ZMIZ1: variants seen among roughly 807,000 people sequenced by gnomAD.
ZMIZ1 encodes the protein zinc finger MIZ-type containing 1.
In ZMIZ1, 17 loss-of-function variants were observed where a neutral mutation model predicts 113.9. The ratio of observed to expected loss-of-function variants is 0.15; its 90% CI spans 0.10 to 0.22. ZMIZ1 has a LOEUF of 0.22. Among genes scored for constraint, ZMIZ1 ranks in the 10% least tolerant of loss-of-function variants. The pLI is 1.00. For synonymous variants in ZMIZ1, 607 were observed against 603.1 expected (o/e 1.01, Z -0.09); for missense variants, 1,059 against 1,477.8 (o/e 0.72, Z 4.65).
intron 7 of ZMIZ1, among the ~76,000 whole-genome samples, chr10:79,231,227 C>T (rs1336430833): frequency 3.3e-5 from 5 of 152,242 alleles, no homozygotes; most frequent in Non-Finnish European, 7.3e-5. Context: ...CTTGTGATTC[C>T]ACAAGAAGCT....
At chr10:79,287,667 C>T (rs1442696039) in intron 8 of ZMIZ1, among the ~76,000 whole-genome samples, 2 of 152,236 alleles carry the variant, frequency 1.3e-5, no homozygotes, top group Non-Finnish European at 2.9e-5. Flanking sequence ...ATTGTGTGCT[C>T]ACACTCCATC....
intron 3 of ZMIZ1, among the ~76,000 whole-genome samples, chr10:79,152,667 G>A (rs1241332157): frequency 6.6e-6 from 1 of 152,240 alleles, no homozygotes; most frequent in East Asian, 1.9e-4. Flanking sequence ...TGGTGCATGG[G>A]TTCTGGAGCC....
chr10:79,284,001 T>G (rs1852903186), intron 8 of ZMIZ1, among the ~76,000 whole-genome samples: 1 of 152,206 alleles, frequency 6.6e-6, no homozygotes, highest in East Asian at 1.9e-4. Flanking sequence ...GACAATACCC[T>G]TAATGGAAAT....
chr10:79,307,712 A>G (rs1012054250), intron 23 of ZMIZ1, 141 bp downstream of exon 23: 4 of 976,554 alleles, frequency 4.1e-6, no homozygotes, highest in Middle Eastern at 2.4e-4. Flanking sequence ...GGAGGGGTCT[A>G]ACTGAGGCTA....
intron 6 of ZMIZ1, among the ~76,000 whole-genome samples, chr10:79,212,770 GAAAA>G (rs373464118): frequency 6.9e-6 from 1 of 144,956 alleles, no homozygotes; most frequent in African/African-American, 2.6e-5. Flanking sequence ...AAAAAAAAAA[GAAAA>G]AAAAAATTTG....
At chr10:79,090,925 C>T (rs757030854) in intron 1 of ZMIZ1, among the ~76,000 whole-genome samples, 28 of 152,222 alleles carry the variant, frequency 1.8e-4, no homozygotes, top group Non-Finnish European at 3.2e-4. Context: ...GGGCTTCCTC[C>T]CTATTGCTGG....
intron 9 of ZMIZ1, 180 bp from the exon 10 acceptor site, chr10:79,290,779 C>G: frequency 1.3e-6 from 1 of 765,494 alleles, no homozygotes; most frequent in Non-Finnish European, 2.3e-6. Flanking sequence ...ACCTGCCGCC[C>G]AGGCCCGCTC....
chr10:79,179,979 T>C (rs1177495955), intron 4 of ZMIZ1, among the ~76,000 whole-genome samples: 2 of 152,260 alleles, frequency 1.3e-5, no homozygotes, highest in African/African-American at 4.8e-5. Context: ...AGGCTGGGCC[T>C]GTCTTCCACT....
At chr10:79,158,470 C>T (rs1488199331) in intron 3 of ZMIZ1, among the ~76,000 whole-genome samples, 2 of 152,200 alleles carry the variant, frequency 1.3e-5, no homozygotes, top group East Asian at 3.9e-4. Flanking sequence ...CCAATTCTAC[C>T]CACTCTTGCC....
At chr10:79,117,847 C>T (rs1234381995) in intron 1 of ZMIZ1, among the ~76,000 whole-genome samples, 3 of 152,188 alleles carry the variant, frequency 2.0e-5, no homozygotes, top group Non-Finnish European at 1.5e-5. Flanking sequence ...CCTCAGGCCC[C>T]CAGGTCAGGG....
intron 6 of ZMIZ1, among the ~76,000 whole-genome samples, chr10:79,208,772 A>AT (rs1470637504): frequency 6.7e-6 from 1 of 149,972 alleles, no homozygotes; most frequent in African/African-American, 2.5e-5. Flanking sequence ...GTTTTCAGCC[A>AT]TTTTTTATCC....
At chr10:79,133,514 A>G (rs1293535016) in intron 2 of ZMIZ1, among the ~76,000 whole-genome samples, 2 of 152,198 alleles carry the variant, frequency 1.3e-5, no homozygotes, top group Non-Finnish European at 2.9e-5. Flanking sequence ...GGGAAGAGAA[A>G]GAGACAGACA....
chr10:79,272,966 A>G (rs1589536016), intron 7 of ZMIZ1, among the ~76,000 whole-genome samples: 1 of 152,168 alleles, frequency 6.6e-6, no homozygotes, highest in South Asian at 2.1e-4. Context: ...GACAGGCTGG[A>G]GAGGATGACA....
intron 1 of ZMIZ1, among the ~76,000 whole-genome samples, chr10:79,080,761 T>A (rs1842632459): frequency 6.6e-6 from 1 of 152,152 alleles, no homozygotes; most frequent in East Asian, 1.9e-4. Flanking sequence ...TCTGCAGGAC[T>A]GACCCCTTTA....
chr10:79,162,363 A>G (rs2132496150), intron 4 of ZMIZ1, among the ~76,000 whole-genome samples: 2 of 152,288 alleles, frequency 1.3e-5, no homozygotes, highest in South Asian at 4.1e-4. Flanking sequence ...AGCAGCTGCT[A>G]GGGGTGGGGG....
At chr10:79,121,114 C>T (rs1054703190) in intron 2 of ZMIZ1, among the ~76,000 whole-genome samples, 2 of 152,234 alleles carry the variant, frequency 1.3e-5, no homozygotes, top group African/African-American at 2.4e-5. Flanking sequence ...GGGACACCTG[C>T]TCATAAGTGT....
At position 79,306,269 on chromosome 10, in the gene ZMIZ1, C is replaced by G; in HGVS notation, c.2593C>G (p.Leu865Val). 6.2e-7 allele frequency: 1 copy of G among 1,614,100 alleles called. No homozygotes were observed. Among genetic ancestry groups the G allele is most frequent in the Non-Finnish European group, 8.5e-7 (1 of 1,180,026 alleles). ...MPNVMEMIAA[L>V]GPGPSPYPLP... ...CAATGTCATGGAGATGATCGCAGCC[C>G]TGGGCCCCGGCCCGTCCCCCTATCC... Residue 865 changes from leucine to valine, a missense_variant, in exon 22 of 25, where the codon CTG (leucine) becomes GTG (valine). Physicochemically the swap from Leu to Val is conservative, Grantham distance 32. This residue lies in a region of ZMIZ1 where 217 missense variants were observed against 426.9 expected (regional missense o/e 0.51). Transcript: ENST00000334512.
rs563070078 is a variant in ZMIZ1 at position 79,222,257 on chromosome 10, G to A, written c.280+5983G>A. 3.3e-5 allele frequency among the ~76,000 whole-genome samples: 5 copies of A among 152,308 alleles called. No individual in the cohort carries two copies. In the South Asian group the frequency reaches 1.0e-3, roughly 32 times the overall value. On this transcript the variant is annotated intron_variant, in intron 7 of 24. Coordinates refer to ENST00000334512, the MANE Select transcript of ZMIZ1 (RefSeq NM_020338.4). ...TTTGTACAACAGAGTCAAATGCCTG[G>A]CTTCCTTTGAGTGGGAATCTTGGAC...
chr10:79,136,942 A>G (rs1327936662), intron 2 of ZMIZ1, among the ~76,000 whole-genome samples: 1 of 152,204 alleles, frequency 6.6e-6, no homozygotes, highest in Non-Finnish European at 1.5e-5. Context: ...GTTTGCAAAC[A>G]GGAACATTTC....
Sources: gnomAD v4.1 joint callset for allele counts (sites outside exome capture counted in the v4.1 genomes callset) on GRCh38, gnomAD v4.1.1 for gene constraint, gnomAD v4.1.1 regional missense constraint, MANE v1.5 for transcripts, NCBI Gene and HGNC (gene_info 2026-07-23, HGNC 2026-07-21) for gene names.